Variants in OR52E4 observed in about 807,000 individuals in gnomAD.
OR52E4 encodes olfactory receptor 52E4.
For synonymous variants in OR52E4, 169 were observed against 137.4 expected (o/e 1.23, Z -1.61); for missense variants, 444 against 383.8 (o/e 1.16, Z -1.31).
intron 1 of OR52E4, among the ~76,000 whole-genome samples, chr11:5,883,240 T>C (rs866172353): frequency 6.6e-6 from 1 of 152,010 alleles, no homozygotes; most frequent in South Asian, 2.1e-4. Context: ...TGACAGGATC[T>C]TGGAGAAACT....
chr11:5,883,125 AT>A (rs915142204), intron 1 of OR52E4, among the ~76,000 whole-genome samples: 1 of 151,892 alleles, frequency 6.6e-6, no homozygotes, highest in Non-Finnish European at 1.5e-5. Flanking sequence ...GGACATGGGA[AT>A]TTTTTTTATG....
In OR52E4 at chr11:5,882,476, C is replaced by T. The variant is rs1449669353; in HGVS notation, c.-74-1743C>T. ...TCAGCCTGGCATCTTTTCCTCAATA[C>T]TGGCAAACATTATGTTCTTTTTTCA... On this transcript the variant is annotated intron_variant, in intron 1 of 1. Transcript: ENST00000641726. Among the ~76,000 whole-genome samples, 3 of 152,084 alleles carry T rather than the reference C, an allele frequency of 2.0e-5. No individual in the cohort carries two copies. In the East Asian group the frequency reaches 5.8e-4, roughly 29 times the overall value.
intron 1 of OR52E4, among the ~76,000 whole-genome samples, chr11:5,883,583 TAAC>T (rs974591107): frequency 1.9e-4 from 29 of 151,636 alleles, no homozygotes; most frequent in Admixed American, 5.3e-4. Context: ...AAAATAATAT[TAAC>T]AAACTATTAT....
chr11:5,883,754 A>T (rs1846996201), intron 1 of OR52E4, among the ~76,000 whole-genome samples: 2 of 152,030 alleles, frequency 1.3e-5, no homozygotes, highest in Admixed American at 1.3e-4. Flanking sequence ...TTAATCTGTT[A>T]TGGTAGCACC....
chr11:5,885,234 C>T lies in OR52E4; in HGVS notation c.*3C>T, dbSNP rs1847025761. On this transcript the variant is annotated 3_prime_UTR_variant, in exon 2 of 2. Transcript: ENST00000641726. ...AAATATTTGTACAGAAAGAATAATT[C>T]TGTATTAAAGTTTGGATAAATATAT... The T allele has an allele frequency of 6.4e-7, 1 of 1,564,826 alleles. No individual in the cohort carries two copies. Among genetic ancestry groups the T allele is most frequent in the Non-Finnish European group, 8.7e-7 (1 of 1,152,420 alleles).
intron 1 of OR52E4, among the ~76,000 whole-genome samples, chr11:5,881,020 A>C (rs1846956613): frequency 6.6e-6 from 1 of 152,034 alleles, no homozygotes; most frequent in South Asian, 2.1e-4. Flanking sequence ...TTCACAGCCG[A>C]AACACCACAA....
rs746027317 is a variant in OR52E4, at chr11:5,884,807, G to A, written c.515G>A (p.Gly172Glu). ...CTCATTCTGCGTCTGCCATTCTGTGGGCATAACATCGTACCTCACACATAC... is the reference window on the plus strand; with the variant it reads ...CTCATTCTGCGTCTGCCATTCTGTGAGCATAACATCGTACCTCACACATAC... ...VFLILRLPFC[G>E]HNIVPHTYCE... is the part of the protein sequence containing the mutation. Residue 172 changes from glycine (G) to glutamate (E), a missense_variant, in exon 2 of 2, where the codon GGG becomes GAG. Physicochemically the swap from Gly to Glu is moderately conservative, Grantham distance 98. Coordinates refer to ENST00000641726, the MANE Select transcript of OR52E4 (RefSeq NM_001005165.2). 6.2e-7 allele frequency: 1 copy of A among 1,613,434 alleles called. No homozygotes were observed. Among genetic ancestry groups the A allele is most frequent in the South Asian group, 1.1e-5 (1 of 91,074 alleles).
Position 5,884,435 on chromosome 11 carries a change from T to C in OR52E4, c.143T>C (p.Leu48Pro). 6.2e-7 allele frequency: 1 copy of C among 1,613,518 alleles called. No individual in the cohort carries two copies. Among genetic ancestry groups the C allele is most frequent in the African/African-American group, 1.3e-5 (1 of 74,970 alleles). Residue 48 changes from leucine (L) to proline (P), a missense_variant, in exon 2 of 2, where the codon CTC becomes CCC. By Grantham distance (98) the Leu-to-Pro change is moderately conservative. Transcript: ENST00000641726. ...GCCATTGTGGGGAATATGACCATTCTCTTTGTGATCAAAACTGAACATAGT... is the reference window on the plus strand; with the variant it reads ...GCCATTGTGGGGAATATGACCATTCCCTTTGTGATCAAAACTGAACATAGT... ...LIAIVGNMTI[L>P]FVIKTEHSLH...
chr11:5,880,686 T>C lies in OR52E4; in HGVS notation c.-103T>C, dbSNP rs1267761172. ...ACTCATGCTCCAATTCTGCTCCAAGTGAGGGCTGGGAGAAGAAATATTACA... is the reference window on the plus strand; with the variant it reads ...ACTCATGCTCCAATTCTGCTCCAAGCGAGGGCTGGGAGAAGAAATATTACA... On this transcript the variant is annotated 5_prime_UTR_variant, in exon 1 of 2. An upstream open reading frame in the 5' UTR loses its in-frame stop. Transcript: ENST00000641726. 2 of 152,116 alleles carry C rather than the reference T, an allele frequency of 1.3e-5. No individual in the cohort carries two copies. Among genetic ancestry groups the C allele is most frequent in the Non-Finnish European group, 2.9e-5 (2 of 68,060 alleles). The allele number at this position is 152,116 out of a possible 1,614,324, so 9.4% of individuals were successfully genotyped here. A position where few individuals can be genotyped will look rare whatever the true frequency, so the allele number is the denominator to read the frequency against.
chr11:5,884,519 C>T lies in OR52E4; in HGVS notation c.227C>T (p.Ser76Phe), dbSNP rs1012577056. The T allele has an allele frequency of 1.2e-6, 2 of 1,613,426 alleles. No individual in the cohort carries two copies. Among genetic ancestry groups the T allele is most frequent in the Admixed American group, 1.7e-5 (1 of 59,912 alleles). Residue 76 changes from serine to phenylalanine, a missense_variant, in exon 2 of 2, where the codon TCC becomes TTC. Coordinates refer to ENST00000641726, the MANE Select transcript of OR52E4 (RefSeq NM_001005165.2). Reference protein sequence around the residue: ...AMLSMIDLGLSTSTIPKMLGI... With the variant: ...AMLSMIDLGLFTSTIPKMLGI... ...TTGTCTATGATTGATCTGGGTCTGT[C>T]CACATCCACTATCCCCAAAATGCTA...
Position 5,884,914 on chromosome 11 carries a change from A to C in OR52E4, c.622A>C (p.Ile208Leu), listed in dbSNP as rs953424309. ...CTATGGGCTCATGGTGATTTCTTATATTATTGTGGATGTGATCTTAATTGC... is the reference window on the plus strand; with the variant it reads ...CTATGGGCTCATGGTGATTTCTTATCTTATTGTGGATGTGATCTTAATTGC... ...IIYGLMVISYIIVDVILIASS... is the reference protein window; with the variant it reads ...IIYGLMVISYLIVDVILIASS... The change falls in exon 2 of 2, where the codon ATT (isoleucine) becomes CTT (leucine). Residue 208 changes from isoleucine (I) to leucine (L), a missense_variant. Transcript: ENST00000641726. 1.2e-6 allele frequency: 2 copies of C among 1,612,886 alleles called. No individual in the cohort carries two copies. The highest frequency in any genetic ancestry group is 1.3e-5 in the African/African-American group (1 of 74,832).
At position 5,884,488 on chromosome 11, in the gene OR52E4, G is replaced by A. The variant is rs1026499650; in HGVS notation, c.196G>A (p.Ala66Thr). 3.1e-6 allele frequency: 5 copies of A among 1,613,414 alleles called. No homozygotes were observed. Among genetic ancestry groups the A allele is most frequent in the Admixed American group, 1.7e-5 (1 of 59,918 alleles). ...SLHQPMFYFL[A>T]MLSMIDLGLS... Reference sequence around the variant, plus strand: ...ACACCAGCCCATGTTCTACTTCCTGGCCATGTTGTCTATGATTGATCTGGG... The same window carrying A: ...ACACCAGCCCATGTTCTACTTCCTGACCATGTTGTCTATGATTGATCTGGG... Residue 66 changes from alanine to threonine, a missense_variant, in exon 2 of 2, where the codon GCC becomes ACC. Transcript: ENST00000641726.
intron 1 of OR52E4, among the ~76,000 whole-genome samples, chr11:5,883,954 G>A (rs1472956623): frequency 1.3e-5 from 2 of 151,904 alleles, no homozygotes; most frequent in African/African-American, 4.8e-5. Context: ...AGTAAAGAAG[G>A]GCTACTTAGG....
In OR52E4 at chr11:5,885,376, T is replaced by C. The variant is rs1590395581; in HGVS notation, c.*145T>C. The C allele has an allele frequency of 8.3e-6, 5 of 605,806 alleles. No homozygotes were observed. In the East Asian group the frequency reaches 1.4e-4, roughly 17 times the overall value. 37.5% of individuals were successfully genotyped at this position (605,806 alleles called of 1,614,324 possible). On this transcript the variant is annotated 3_prime_UTR_variant, in exon 2 of 2. Transcript: ENST00000641726. ...GAAGTGCTTTAGTGTTGACAGATAA[T>C]GCAAACTTAAAACCTTTGCTGCCTG...
Position 5,886,047 on chromosome 11 carries a change from TTCC to T in OR52E4, c.*822_*824del, listed in dbSNP as rs1847037861. On this transcript the variant is annotated 3_prime_UTR_variant, in exon 2 of 2. Transcript: ENST00000641726. ...TACATCCTTCTCCTGTGCTGGATGC[TTCC>T]TCCTCGAACGTCGGACTCCAAGTTC... 6.6e-6 allele frequency: 1 copy of T among 152,084 alleles called. No homozygotes were observed. 9.4% of individuals were successfully genotyped at this position (152,084 alleles called of 1,614,324 possible). A position where few individuals can be genotyped will look rare whatever the true frequency, so the allele number is the denominator to read the frequency against.
intron 1 of OR52E4, among the ~76,000 whole-genome samples, chr11:5,883,895 A>C (rs1465794653): frequency 6.6e-6 from 1 of 152,094 alleles, no homozygotes; most frequent in Non-Finnish European, 1.5e-5. Context: ...AACCCCAGAG[A>C]TCTCAAGACC....
Position 5,884,439 on chromosome 11 carries a change from T to G in OR52E4, c.147T>G (p.Phe49Leu), listed in dbSNP as rs16914094. ...IAIVGNMTIL[F>L]VIKTEHSLHQ... ...TTGTGGGGAATATGACCATTCTCTT[T>G]GTGATCAAAACTGAACATAGTCTAC... The change falls in exon 2 of 2, where the codon TTT becomes TTG. Residue 49 changes from phenylalanine (F) to leucine (L), a missense_variant. Transcript: ENST00000641726. 3,485 of 1,613,516 alleles carry G rather than the reference T, an allele frequency of 2.2e-3. 91 individuals carry two copies. The African/African-American group carries it at 0.041, about 19-fold the overall frequency.
chr11:5,886,504 A>G lies in OR52E4; in HGVS notation c.*1273A>G, dbSNP rs539390975. On this transcript the variant is annotated 3_prime_UTR_variant, in exon 2 of 2. Transcript: ENST00000641726. The stretch of plus-strand genomic sequence containing the variant: ...AGACTTTATAAAACTTAGAAAAACA[A>G]TTAGGCTCAAGCTATGGTAAGCACA... 1.3e-5 allele frequency: 2 copies of G among 152,088 alleles called. No homozygotes were observed. The highest frequency in any genetic ancestry group is 4.8e-5 in the African/African-American group (2 of 41,426). 9.4% of individuals were successfully genotyped at this position (152,088 alleles called of 1,614,324 possible).
Position 5,885,702 on chromosome 11 carries a change from C to T in OR52E4, c.*471C>T, listed in dbSNP as rs1014232958. On this transcript the variant is annotated 3_prime_UTR_variant, in exon 2 of 2. Transcript: ENST00000641726. ...TTGTTCTTCTCCAAAATCTTTGACT[C>T]CCATGTTTATTTTAATGCTCTCTCA... The T allele has an allele frequency of 2.6e-5, 4 of 152,900 alleles. No homozygotes were observed. Among genetic ancestry groups the T allele is most frequent in the Non-Finnish European group, 4.4e-5 (3 of 68,674 alleles). The allele number at this position is 152,900 out of a possible 1,614,324, so 9.5% of individuals were successfully genotyped here.
Sources: allele counts gnomAD v4.1 joint callset (sites outside exome capture counted in the v4.1 genomes callset), GRCh38; gene constraint gnomAD v4.1.1; transcripts MANE v1.5; gene names NCBI Gene and HGNC (gene_info 2026-07-23, HGNC 2026-07-21).